The following PCDHGB7 variants were observed in gnomAD, a reference collection of about 807,000 sequenced individuals.
PCDHGB7 encodes the protein protocadherin gamma subfamily B, 7, also known as protocadherin gamma-B7.
In PCDHGB7, 37 loss-of-function variants were observed where a neutral mutation model predicts 61.4. That is an observed-to-expected ratio of 0.60 (90% CI 0.46 to 0.79). PCDHGB7 has a LOEUF of 0.79. Among genes scored for constraint, PCDHGB7 ranks in the 30% least tolerant of loss-of-function variants. The pLI, the probability that PCDHGB7 is intolerant of heterozygous loss-of-function variation, is 0.00. For missense variants in PCDHGB7, 1,166 were observed against 1,202.5 expected, an observed-to-expected ratio of 0.97 and a Z score of 0.45; for synonymous variants, 464 against 503.5, an observed-to-expected ratio of 0.92 and a Z score of 1.05.
In PCDHGB7 at chr5:141,419,137, CA is replaced by C. The variant is rs1561778370; in HGVS notation, c.1279del (p.Arg427GlyfsTer12). 1 of 1,613,892 alleles carries C rather than the reference CA, an allele frequency of 6.2e-7. No individual in the cohort carries two copies. Among genetic ancestry groups the C allele is most frequent in the African/African-American group, 1.3e-5 (1 of 75,056 alleles). ...ACAACGTCACCATCGCAGCCACAGA[CA>C]GGGGCAAGCCTCCGTTATCCTCCAG... is the stretch of plus-strand genomic sequence containing the variant. ...EYNVTIAATD[R>X]GKPPLSSSKT... On this transcript the variant is annotated frameshift_variant, in exon 1 of 4. Coordinates refer to ENST00000398594, the MANE Select transcript of PCDHGB7 (RefSeq NM_018927.4). LOFTEE classifies it high-confidence loss of function.
Position 141,486,885 on chromosome 5 carries a change from G to A in PCDHGB7, c.2416-7922G>A, listed in dbSNP as rs139638334. On this transcript the variant is annotated intron_variant, in intron 1 of 3. Transcript: ENST00000398594. The surrounding 1 kb of genome is among the most constrained non-coding windows in gnomAD (Gnocchi z 5.0). ...CCAGCTGTGCTCCGTCCTCGGGCCC[G>A]GCCTGGTTCCTTATGTCCCCAAGCA... is the stretch of plus-strand genomic sequence containing the variant. 16 of 1,614,076 alleles carry A rather than the reference G, an allele frequency of 9.9e-6. No individual in the cohort carries two copies. The highest frequency in any genetic ancestry group is 1.6e-4 in the Middle Eastern group (1 of 6,084).
chr5:141,449,562 C>T (rs1374591292), intron 1 of PCDHGB7, among the ~76,000 whole-genome samples: 1 of 143,862 alleles, frequency 7.0e-6, no homozygotes, highest in East Asian at 2.0e-4. Context: ...GCACTCCAGC[C>T]TGGGCGACAG....
rs1233801398 is a variant in PCDHGB7, at chr5:141,431,238, C to T, written c.2415+10964C>T. The stretch of plus-strand genomic sequence containing the variant: ...TTCCCTCTACCCCACGCCTGGGATC[C>T]GGATATCGGGAAGAACTCTCTGCAG... On this transcript the variant is annotated intron_variant, in intron 1 of 3. Coordinates refer to ENST00000398594, the MANE Select transcript of PCDHGB7 (RefSeq NM_018927.4). This position sits in a 1 kb window ranked among gnomAD's most constrained non-coding sequence, Gnocchi z 4.8. The T allele has an allele frequency of 3.7e-6, 6 of 1,614,156 alleles. No homozygotes were observed. Among genetic ancestry groups the T allele is most frequent in the Non-Finnish European group, 8.5e-7 (1 of 1,180,038 alleles).
chr5:141,430,477 A>G (rs1329218924), intron 1 of PCDHGB7: 1 of 244,524 alleles, frequency 4.1e-6, no homozygotes, highest in Non-Finnish European at 7.7e-6. Context: ...TATTTAAGAT[A>G]TAAAAACGAA....
At chr5:141,423,066 C>T (rs1375575018) in intron 1 of PCDHGB7, 2 of 1,614,002 alleles carry the variant, frequency 1.2e-6, no homozygotes, top group South Asian at 1.1e-5. Context: ...TTAAGGCCAG[C>T]GAGCCGGGAC....
intron 1 of PCDHGB7, among the ~76,000 whole-genome samples, chr5:141,481,695 T>A (rs2099542216): frequency 1.3e-5 from 2 of 152,122 alleles, no homozygotes; most frequent in Non-Finnish European, 2.9e-5. Context: ...GGCTCACGCC[T>A]GTAATCCCAG....
chr5:141,471,635 A>G (rs1477641248), intron 1 of PCDHGB7: 1 of 152,224 alleles, frequency 6.6e-6, no homozygotes, highest in Non-Finnish European at 1.5e-5. Context: ...GGTATGGATT[A>G]GTAATATACT....
chr5:141,445,537 G>A (rs1266179512), intron 1 of PCDHGB7, among the ~76,000 whole-genome samples: 1 of 152,182 alleles, frequency 6.6e-6, no homozygotes, highest in African/African-American at 2.4e-5. Flanking sequence ...AAGCCAACAA[G>A]GAGAAATACA....
rs373867677 is a variant in PCDHGB7 at position 141,432,049 on chromosome 5, G to A, written c.2415+11775G>A. The A allele has an allele frequency of 2.0e-5, 32 of 1,614,150 alleles. No individual in the cohort carries two copies. In the African/African-American group the frequency reaches 4.1e-4, roughly 21 times the overall value. ...TGACCGCCACTGACCGGGGAACCCC[G>A]CCCCTATCCACGGAAACTCATATCT... On this transcript the variant is annotated intron_variant, in intron 1 of 3. Coordinates refer to ENST00000398594, the MANE Select transcript of PCDHGB7 (RefSeq NM_018927.4). The surrounding 1 kb of genome is among the most constrained non-coding windows in gnomAD (Gnocchi z 6.0).
intron 2 of PCDHGB7, among the ~76,000 whole-genome samples, chr5:141,503,077 T>C (rs902429288): frequency 6.6e-6 from 1 of 151,810 alleles, no homozygotes; most frequent in African/African-American, 2.4e-5. Flanking sequence ...ATGGTCTCGA[T>C]CTCCTGACCT....
At chr5:141,464,279 C>CAA (rs373828487) in intron 1 of PCDHGB7, among the ~76,000 whole-genome samples, 8,568 of 137,664 alleles carry the variant, frequency 0.062, 499 homozygotes, top group African/African-American at 0.16. Context: ...AAAAAAAAAG[C>CAA]AAAAAAAAAA....
chr5:141,457,481 G>T (rs990111430), intron 1 of PCDHGB7, among the ~76,000 whole-genome samples: 1 of 152,212 alleles, frequency 6.6e-6, no homozygotes, highest in African/African-American at 2.4e-5. Context: ...CAGGGCCAGG[G>T]TTAGTCTAAA....
In PCDHGB7 at chr5:141,432,770, G is replaced by A. The variant is rs930442281; in HGVS notation, c.2415+12496G>A. The A allele has an allele frequency of 6.2e-7, 1 of 1,614,128 alleles. No individual in the cohort carries two copies. On this transcript the variant is annotated intron_variant, in intron 1 of 3. Coordinates refer to ENST00000398594, the MANE Select transcript of PCDHGB7 (RefSeq NM_018927.4). This position sits in a 1 kb window ranked among gnomAD's most constrained non-coding sequence, Gnocchi z 6.0. ...GGCCGTGGCCGACAGCATCCCCCAAGTCCTGGCGGACCTCGGCAGCCTCGA... is the reference window on the plus strand; with the variant it reads ...GGCCGTGGCCGACAGCATCCCCCAAATCCTGGCGGACCTCGGCAGCCTCGA...
chr5:141,459,581 G>A (rs945690319), intron 1 of PCDHGB7, among the ~76,000 whole-genome samples: 1 of 152,138 alleles, frequency 6.6e-6, no homozygotes, highest in Non-Finnish European at 1.5e-5. Flanking sequence ...AATTGTTTTG[G>A]GGGTCATATG....
In PCDHGB7 at chr5:141,477,500, T is replaced by C. The variant is rs757547508; in HGVS notation, c.2416-17307T>C. The C allele has an allele frequency of 3.1e-6, 5 of 1,614,156 alleles. No homozygotes were observed. Among genetic ancestry groups the C allele is most frequent in the Non-Finnish European group, 4.2e-6 (5 of 1,180,026 alleles). ...CCCTCCACAATCTTCTCAATCTTCC[T>C]ACGACGTTTACATTGAAGAAAACAA... On this transcript the variant is annotated intron_variant, in intron 1 of 3. Coordinates refer to ENST00000398594, the MANE Select transcript of PCDHGB7 (RefSeq NM_018927.4). This position sits in a 1 kb window ranked among gnomAD's most constrained non-coding sequence, Gnocchi z 4.9.
intron 1 of PCDHGB7, among the ~76,000 whole-genome samples, chr5:141,436,889 G>T (rs1319754318): frequency 6.6e-6 from 1 of 152,208 alleles, no homozygotes; most frequent in Non-Finnish European, 1.5e-5. Flanking sequence ...ATGGGGGAAA[G>T]ATTTTTATAT....
rs776189143 is a variant in PCDHGB7, at chr5:141,422,957, A to G, written c.2415+2683A>G. 11 of 1,614,190 alleles carry G rather than the reference A, an allele frequency of 6.8e-6. 1 individual carries two copies. The South Asian group carries it at 7.7e-5, about 11-fold the overall frequency. Reference sequence around the variant, plus strand: ...CCCACAGACGGCTCCACTGGCGTGGAGCTGGCGCCCCGCTCTGCGGAACCT... The same window carrying G: ...CCCACAGACGGCTCCACTGGCGTGGGGCTGGCGCCCCGCTCTGCGGAACCT... On this transcript the variant is annotated intron_variant, in intron 1 of 3. Coordinates refer to ENST00000398594, the MANE Select transcript of PCDHGB7 (RefSeq NM_018927.4).
chr5:141,487,512 C>T lies in PCDHGB7; in HGVS notation c.2416-7295C>T, dbSNP rs372606253. The stretch of plus-strand genomic sequence containing the variant: ...TGTACACCCTTGGCTTCTGCACCCA[C>T]TCGGAGTGATAGCTTCATGATGGTG... On this transcript the variant is annotated intron_variant, in intron 1 of 3. Transcript: ENST00000398594. This position sits in a 1 kb window ranked among gnomAD's most constrained non-coding sequence, Gnocchi z 5.0. 3.7e-6 allele frequency: 6 copies of T among 1,614,082 alleles called. No homozygotes were observed. The highest frequency in any genetic ancestry group is 5.1e-6 in the Non-Finnish European group (6 of 1,180,044).
chr5:141,478,774 G>T (rs1019315910), intron 1 of PCDHGB7: 1 of 1,496,268 alleles, frequency 6.7e-7, no homozygotes, highest in African/African-American at 1.4e-5. Flanking sequence ...ACTCATCTGT[G>T]GACCTAATTC....
Sources: gnomAD v4.1 joint callset for allele counts (sites outside exome capture counted in the v4.1 genomes callset) on GRCh38, gnomAD v4.1.1 for gene constraint, Gnocchi (gnomAD v3.1) non-coding constraint, MANE v1.5 for transcripts, NCBI Gene and HGNC (gene_info 2026-07-23, HGNC 2026-07-21) for gene names.